ABR: variants seen among roughly 807,000 people sequenced by gnomAD.
ABR encodes ABR activator of RhoGEF and GTPase.
Under a neutral mutation model 107.2 loss-of-function variants are expected in ABR, and 35 were observed. The observed-to-expected ratio is 0.33, with a 90% CI of 0.25 to 0.43. The LOEUF (loss-of-function observed/expected upper bound fraction) is 0.43. ABR is among the 20% of genes least tolerant of loss of function. The probability of loss-of-function intolerance (pLI) is 1.00; values close to 1 mark genes in which losing one functional copy is unlikely to be tolerated. For synonymous variants in ABR, 498 were observed against 462.0 expected (o/e 1.08, Z -1.00); for missense variants, 815 against 1,115.2 (o/e 0.73, Z 3.83).
intron 2 of ABR, among the ~76,000 whole-genome samples, chr17:1,109,929 GC>G (rs1369085873): frequency 2.1e-5 from 2 of 93,112 alleles, no homozygotes; most frequent in African/African-American, 8.9e-5. Context: ...CCTCTGAGCA[GC>G]CCCCCCACTC....
rs150480838 is a variant in ABR at position 1,152,398 on chromosome 17, T to A, written c.62-27031A>T. On this transcript the variant is annotated intron_variant, in intron 1 of 22. Transcript: ENST00000302538. Reference sequence around the variant, plus strand: ...TGAGGTCAGGAGTTTGAGACCAGCCTGGTCAACATGGGGAAACCCCATCTC... The same window carrying A: ...TGAGGTCAGGAGTTTGAGACCAGCCAGGTCAACATGGGGAAACCCCATCTC... 7.6e-3 allele frequency among the ~76,000 whole-genome samples: 1,149 copies of A among 151,300 alleles called. 36 individuals carry two copies. In the East Asian group the frequency reaches 0.11, roughly 14 times the overall value.
chr17:1,228,629 G>T (rs1236613471), intron 1 of ABR, among the ~76,000 whole-genome samples: 2 of 152,298 alleles, frequency 1.3e-5, no homozygotes, highest in East Asian at 3.9e-4. Flanking sequence ...AAGCTCCACA[G>T]GTGGCTTTGG....
rs1005675924 is a variant in ABR at position 1,179,784 on chromosome 17, G to A, written c.-57C>T. 2 of 1,348,374 alleles carry A rather than the reference G, an allele frequency of 1.5e-6. No homozygotes were observed. The highest frequency in any genetic ancestry group is 2.0e-6 in the Non-Finnish European group (2 of 1,022,712). 83.5% of individuals were successfully genotyped at this position (1,348,374 alleles called of 1,614,324 possible). A position where few individuals can be genotyped will look rare whatever the true frequency, so the allele number is the denominator to read the frequency against. On this transcript the variant is annotated 5_prime_UTR_variant, in exon 1 of 23. Transcript: ENST00000302538. The surrounding 1 kb of genome is among the most constrained non-coding windows in gnomAD (Gnocchi z 4.9). Reference sequence around the variant, plus strand: ...CCGACCCTCATCGCGCAACAAAGGAGGGAGAGCGGGCGGGAGCCGGGGGAG... The same window carrying A: ...CCGACCCTCATCGCGCAACAAAGGAAGGAGAGCGGGCGGGAGCCGGGGGAG...
At chr17:1,093,919 A>G (rs1254290763) in intron 3 of ABR, among the ~76,000 whole-genome samples, 1 of 152,166 alleles carries the variant, frequency 6.6e-6, no homozygotes, top group African/African-American at 2.4e-5. Context: ...CCCAGATCCA[A>G]CAATCCATGC....
At chr17:1,065,727 C>T (rs1362747312) in intron 10 of ABR, among the ~76,000 whole-genome samples, 1 of 144,154 alleles carries the variant, frequency 6.9e-6, no homozygotes, top group Non-Finnish European at 1.5e-5. Context: ...TCAGTTTGAA[C>T]TTTCCAAACC....
upstream of ABR, among the ~76,000 whole-genome samples, chr17:1,181,436 T>C (rs548996784): frequency 7.9e-5 from 12 of 152,212 alleles, no homozygotes; most frequent in East Asian, 2.3e-3. Flanking sequence ...TATTAGCCCG[T>C]CCCTGCGTCC....
At chr17:1,223,178 G>C (rs2043149498) in intron 1 of ABR, among the ~76,000 whole-genome samples, 1 of 150,496 alleles carries the variant, frequency 6.6e-6, no homozygotes, top group African/African-American at 2.5e-5. Flanking sequence ...CACCAGCCGG[G>C]GTGACAAGAG....
At chr17:1,126,818 T>C (rs777586818) in intron 1 of ABR, among the ~76,000 whole-genome samples, 3 of 152,114 alleles carry the variant, frequency 2.0e-5, no homozygotes, top group Non-Finnish European at 4.4e-5. Flanking sequence ...GAGTCATCAC[T>C]GTACGCCAGC....
At chr17:1,174,073 G>A (rs915984191) in intron 1 of ABR, among the ~76,000 whole-genome samples, 2 of 152,118 alleles carry the variant, frequency 1.3e-5, no homozygotes, top group African/African-American at 4.8e-5. Flanking sequence ...CATCCTACTC[G>A]CAAGAGTGAG....
Position 1,004,742 on chromosome 17 carries a change from G to C in ABR, c.*1338C>G, listed in dbSNP as rs2069898156. The C allele has an allele frequency of 6.6e-6, 2 of 303,030 alleles. No homozygotes were observed. Among genetic ancestry groups the C allele is most frequent in the Admixed American group, 5.1e-5 (1 of 19,622 alleles). 18.8% of individuals were successfully genotyped at this position (303,030 alleles called of 1,614,324 possible). ...CAGAACCCAGCCCCTAGAGGCGGCT[G>C]TCTGATTCCCCACTCTCCCCACAAC... On this transcript the variant is annotated 3_prime_UTR_variant, in exon 23 of 23. Coordinates refer to ENST00000302538, the MANE Select transcript of ABR (RefSeq NM_021962.5).
intron 1 of ABR, among the ~76,000 whole-genome samples, chr17:1,217,620 G>A (rs1242301864): frequency 6.6e-6 from 1 of 152,228 alleles, no homozygotes; most frequent in Non-Finnish European, 1.5e-5. Flanking sequence ...ATTTGCTCAA[G>A]GTCACATAGC....
rs2040763101 is a variant in ABR, at chr17:1,150,817, C to CCAGCAT, written c.62-25451_62-25450insATGCTG. Among the ~76,000 whole-genome samples the CCAGCAT allele has an allele frequency of 6.6e-6, 1 of 152,176 alleles. No homozygotes were observed. Among genetic ancestry groups the CCAGCAT allele is most frequent in the Non-Finnish European group, 1.5e-5 (1 of 68,034 alleles). On this transcript the variant is annotated intron_variant, in intron 1 of 22. Transcript: ENST00000302538. The surrounding 1 kb of genome is among the most constrained non-coding windows in gnomAD (Gnocchi z 4.8). ...GCCGGACTCCCTAGGTTCTGCAAAC[C>CCAGCAT]CAGCCATCAACACACAGAGGCCCAC...
At chr17:1,205,729 G>T (rs537457591) in intron 1 of ABR, among the ~76,000 whole-genome samples, 96 of 152,356 alleles carry the variant, frequency 6.3e-4, no homozygotes, top group South Asian at 1.4e-3. Context: ...CAGATCACAA[G>T]ATCAAGAGAC....
rs1302805088 is a variant in ABR, at chr17:1,027,273, G to A, written c.1792-14109C>T. On this transcript the variant is annotated intron_variant, in intron 16 of 22. Coordinates refer to ENST00000302538, the MANE Select transcript of ABR (RefSeq NM_021962.5). The surrounding 1 kb of genome is among the most constrained non-coding windows in gnomAD (Gnocchi z 4.7). ...TGGCCAAGCCGTCTGTGGCCTGCAG[G>A]GAGGCCGGGGAGGACCAGCGCCCTT... 1.3e-5 allele frequency among the ~76,000 whole-genome samples: 2 copies of A among 152,142 alleles called. No individual in the cohort carries two copies. The highest frequency in any genetic ancestry group is 4.8e-5 in the African/African-American group (2 of 41,430).
At chr17:1,062,599 G>A (rs1445198272) in intron 10 of ABR, among the ~76,000 whole-genome samples, 1 of 140,000 alleles carries the variant, frequency 7.1e-6, no homozygotes, top group African/African-American at 2.6e-5. Context: ...TGAGGGTTAT[G>A]CATGTTCCTC....
upstream of ABR, among the ~76,000 whole-genome samples, chr17:1,183,781 G>A (rs1365336061): frequency 2.0e-5 from 3 of 152,294 alleles, no homozygotes; most frequent in East Asian, 5.8e-4. Context: ...GAGCCCCGGT[G>A]CGTGCAGAGG....
At position 1,150,741 on chromosome 17, in the gene ABR, G is replaced by C. The variant is rs944927227; in HGVS notation, c.62-25374C>G. ...AGGCAACAGGGCACCCCACCCACTGGGAACCACGCGAGCAGGGAGGGACGA... is the reference window on the plus strand; with the variant it reads ...AGGCAACAGGGCACCCCACCCACTGCGAACCACGCGAGCAGGGAGGGACGA... On this transcript the variant is annotated intron_variant, in intron 1 of 22. Coordinates refer to ENST00000302538, the MANE Select transcript of ABR (RefSeq NM_021962.5). This position sits in a 1 kb window ranked among gnomAD's most constrained non-coding sequence, Gnocchi z 4.8. Among the ~76,000 whole-genome samples the C allele has an allele frequency of 9.2e-5, 14 of 152,252 alleles. No homozygotes were observed. Among genetic ancestry groups the C allele is most frequent in the East Asian group, 5.8e-4 (3 of 5,176 alleles).
Position 1,176,005 on chromosome 17 carries a change from G to T in ABR, c.61+3662C>A, listed in dbSNP as rs533105863. On this transcript the variant is annotated intron_variant, in intron 1 of 22. Transcript: ENST00000302538. ...ACTCGGGAGGCTGAGGCAGGAGAAT[G>T]GCGTGAACCTGGGAGGTGGAGCTTG... Among the ~76,000 whole-genome samples, 4 of 152,228 alleles carry T rather than the reference G, an allele frequency of 2.6e-5. No individual in the cohort carries two copies. The East Asian group carries it at 7.7e-4, about 29-fold the overall frequency.
chr17:1,026,385 G>A (rs965539588), intron 16 of ABR, among the ~76,000 whole-genome samples: 3 of 152,248 alleles, frequency 2.0e-5, no homozygotes, highest in East Asian at 1.9e-4. Context: ...TGGGAAGGGC[G>A]CTGTGGATGT....
Sources: allele counts gnomAD v4.1 joint callset (sites outside exome capture counted in the v4.1 genomes callset), GRCh38; gene constraint gnomAD v4.1.1; non-coding constraint Gnocchi (gnomAD v3.1); transcripts MANE v1.5; gene names NCBI Gene and HGNC (gene_info 2026-07-23, HGNC 2026-07-21).